Variants in SUCLG2 observed in about 807,000 individuals in gnomAD.
SUCLG2 encodes succinate--CoA ligase [GDP-forming] subunit beta, mitochondrial.
SUCLG2 carries 42 observed loss-of-function variants against 47.9 expected under a neutral mutation model. The observed-to-expected ratio is 0.88, with a 90% CI of 0.69 to 1.14. The LOEUF (loss-of-function observed/expected upper bound fraction) is 1.14. Among genes scored for constraint, SUCLG2 ranks in the 50% most tolerant of loss-of-function variants. The probability of loss-of-function intolerance (pLI) is 0.00; values close to 1 mark genes in which losing one functional copy is unlikely to be tolerated. For synonymous variants in SUCLG2, 195 were observed against 197.3 expected, an observed-to-expected ratio of 0.99 and a Z score of 0.10; for missense variants, 571 against 525.9, an observed-to-expected ratio of 1.09 and a Z score of -0.84.
rs557951070 is a variant in SUCLG2, at chr3:67,640,266, A to C, written c.84+14237T>G. Reference sequence around the variant, plus strand: ...AATGGATGTGTCCCGTGCTCTGGGCAGCACTGTTTCAACAGCCATTTTGCA... The same window carrying C: ...AATGGATGTGTCCCGTGCTCTGGGCCGCACTGTTTCAACAGCCATTTTGCA... On this transcript the variant is annotated intron_variant, in intron 1 of 10. Coordinates refer to ENST00000307227, the MANE Select transcript of SUCLG2 (RefSeq NM_003848.4). Among the ~76,000 whole-genome samples, 434 of 152,324 alleles carry C rather than the reference A, an allele frequency of 2.8e-3. 2 individuals are homozygous for C. The highest frequency in any genetic ancestry group is 0.01 in the African/African-American group (417 of 41,568).
At chr3:67,376,242 C>T in intron 10 of SUCLG2, 1 of 985,408 alleles carries the variant, frequency 1.0e-6, no homozygotes, top group South Asian at 4.7e-5. Context: ...AAAGGAAGTT[C>T]CGAGAATCTG....
chr3:67,557,925 C>A (rs2634737), intron 2 of SUCLG2, among the ~76,000 whole-genome samples: 1 of 151,996 alleles, frequency 6.6e-6, no homozygotes, highest in Non-Finnish European at 1.5e-5. Context: ...CAATCAGTCC[C>A]TTGGCTGTGA....
intron 9 of SUCLG2, among the ~76,000 whole-genome samples, chr3:67,423,984 A>T (rs1703236964): frequency 6.6e-6 from 1 of 152,086 alleles, no homozygotes; most frequent in African/African-American, 2.4e-5. Flanking sequence ...AAAGGATCTC[A>T]TATGTTTGGT....
chr3:67,623,055 C>A (rs1315554797), intron 1 of SUCLG2, among the ~76,000 whole-genome samples: 1 of 152,074 alleles, frequency 6.6e-6, no homozygotes, highest in South Asian at 2.1e-4. Context: ...AAAATTAAGT[C>A]ACTGCTCCAT....
At chr3:67,582,491 C>G (rs915736148) in intron 2 of SUCLG2, among the ~76,000 whole-genome samples, 7 of 152,114 alleles carry the variant, frequency 4.6e-5, no homozygotes, top group African/African-American at 1.7e-4. Context: ...TATATATGTA[C>G]CACATTTTCT....
chr3:67,481,699 C>G (rs1481086922), intron 9 of SUCLG2, among the ~76,000 whole-genome samples: 1 of 152,116 alleles, frequency 6.6e-6, no homozygotes, highest in East Asian at 1.9e-4. Context: ...TTTTATTGAG[C>G]CTTAAAAAGA....
chr3:67,642,341 A>C (rs889768404), intron 1 of SUCLG2, among the ~76,000 whole-genome samples: 2 of 152,172 alleles, frequency 1.3e-5, no homozygotes, highest in Admixed American at 1.3e-4. Flanking sequence ...ATGGTGGCTC[A>C]CACCCGTAAT....
chr3:67,597,725 G>C (rs955089638), intron 2 of SUCLG2, among the ~76,000 whole-genome samples: 9 of 152,010 alleles, frequency 5.9e-5, no homozygotes, highest in Admixed American at 3.3e-4. Context: ...GGATCACAAG[G>C]TCAGGAGTTC....
chr3:67,499,115 T>C (rs1705427336), intron 7 of SUCLG2, among the ~76,000 whole-genome samples: 2 of 152,228 alleles, frequency 1.3e-5, no homozygotes, highest in South Asian at 4.1e-4. Context: ...TGTTTTGATA[T>C]ACATATAACA....
chr3:67,501,892 T>C (rs1705504027), intron 7 of SUCLG2, among the ~76,000 whole-genome samples: 1 of 152,114 alleles, frequency 6.6e-6, no homozygotes, highest in Non-Finnish European at 1.5e-5. Flanking sequence ...ATTTAAAATA[T>C]CCTTTATAAA....
downstream of SUCLG2, among the ~76,000 whole-genome samples, chr3:67,373,065 C>A (rs541688215): frequency 5.9e-5 from 9 of 152,238 alleles, 1 homozygote; most frequent in African/African-American, 2.2e-4. Flanking sequence ...AAGAACATAT[C>A]CTTTTCACTT....
At chr3:67,360,500 T>G (rs187569476) in exon 11 of SUCLG2, 28 of 983,850 alleles carry the variant, frequency 2.8e-5, no homozygotes, top group Non-Finnish European at 3.9e-5. Context: ...TGAACAGCTA[T>G]AAGCCATGCC....
At chr3:67,440,887 C>A (rs890542076) in intron 9 of SUCLG2, among the ~76,000 whole-genome samples, 1 of 152,186 alleles carries the variant, frequency 6.6e-6, no homozygotes, top group African/African-American at 2.4e-5. Context: ...GGTATATAGA[C>A]AAAGGATTAC....
chr3:67,483,960 C>T lies in SUCLG2; in HGVS notation c.1062+11838G>A, dbSNP rs181120305. 1.9e-4 allele frequency among the ~76,000 whole-genome samples: 29 copies of T among 152,280 alleles called. No homozygotes were observed. The East Asian group carries it at 3.7e-3, about 19-fold the overall frequency. On this transcript the variant is annotated intron_variant, in intron 9 of 10. Transcript: ENST00000307227. ...CAAGCTTTGGCTTACAGGAGGCTTG[C>T]CATGAATGGAGTTTGGCCCTTGCAC...
chr3:67,457,292 A>T (rs1704209716), intron 9 of SUCLG2, among the ~76,000 whole-genome samples: 1 of 152,236 alleles, frequency 6.6e-6, no homozygotes, highest in Admixed American at 6.5e-5. Context: ...AAAGAAAAGA[A>T]CAGATTTTCA....
chr3:67,542,291 G>C lies in SUCLG2; in HGVS notation c.227-13105C>G, dbSNP rs144568728. Among the ~76,000 whole-genome samples the C allele has an allele frequency of 7.1e-3, 1,080 of 152,246 alleles. 6 individuals are homozygous for C. Among genetic ancestry groups the C allele is most frequent in the Non-Finnish European group, 0.012 (823 of 68,014 alleles). ...AGAGAAGTAAATGCTGAGAGATTTT[G>C]TTACCACCAGGCCTGCCTTACAAGA... On this transcript the variant is annotated intron_variant, in intron 2 of 10. Transcript: ENST00000307227.
rs772832217 is a variant in SUCLG2, at chr3:67,592,936, A to G, written c.226+16519T>C. 3.4e-4 allele frequency among the ~76,000 whole-genome samples: 51 copies of G among 152,166 alleles called. 1 individual carries two copies. Among genetic ancestry groups the G allele is most frequent in the Admixed American group, 2.5e-3 (38 of 15,270 alleles). On this transcript the variant is annotated intron_variant, in intron 2 of 10. Coordinates refer to ENST00000307227, the MANE Select transcript of SUCLG2 (RefSeq NM_003848.4). ...ATGAAGAAAATACACTCATTTCCCA[A>G]TGTCCATGGCTTCCTTGCTTACTAT...
At chr3:67,590,897 T>C (rs570736646) in intron 2 of SUCLG2, among the ~76,000 whole-genome samples, 1 of 127,590 alleles carries the variant, frequency 7.8e-6, no homozygotes, top group South Asian at 2.5e-4. Context: ...TCTAAGACTT[T>C]GGACATTAAG....
chr3:67,408,010 A>T (rs1465834610), intron 9 of SUCLG2, among the ~76,000 whole-genome samples: 7 of 152,120 alleles, frequency 4.6e-5, no homozygotes, highest in Non-Finnish European at 1.0e-4. Context: ...ATTAGAGGGG[A>T]GTCTAAATAG....
Sources: gnomAD v4.1 joint callset for allele counts (sites outside exome capture counted in the v4.1 genomes callset) on GRCh38, gnomAD v4.1.1 for gene constraint, MANE v1.5 for transcripts, NCBI Gene and HGNC (gene_info 2026-07-23, HGNC 2026-07-21) for gene names.